RSRC2: variants seen among roughly 807,000 people sequenced by gnomAD.
The protein encoded by RSRC2 is arginine and serine rich coiled-coil 2, also known as arginine/serine-rich coiled-coil protein 2.
In RSRC2, 5 loss-of-function variants were observed where a neutral mutation model predicts 61.3. That is an observed-to-expected ratio of 0.08 (90% confidence interval 0.04 to 0.17). The LOEUF (loss-of-function observed/expected upper bound fraction) is 0.17. Among genes scored for constraint, RSRC2 ranks in the 10% least tolerant of loss-of-function variants. RSRC2 has a pLI of 1.00. For synonymous variants in RSRC2, 202 were observed against 166.5 expected (o/e 1.21, Z -1.64); for missense variants, 381 against 518.8 (o/e 0.73, Z 2.58).
rs1022741093 is a variant in RSRC2, at chr12:122,526,406, T to C, written c.6+442A>G. ...AAAAAAAAATAGCTACAAGTCGCTC[T>C]CTTCTCCCACACTACCCTTTACAGA... On this transcript the variant is annotated intron_variant, in intron 1 of 9. Coordinates refer to ENST00000331738, the MANE Select transcript of RSRC2 (RefSeq NM_023012.6). 3 of 174,232 alleles carry C rather than the reference T, an allele frequency of 1.7e-5. No homozygotes were observed. The East Asian group carries it at 5.0e-4, about 29-fold the overall frequency. 10.8% of individuals were successfully genotyped at this position (174,232 alleles called of 1,614,324 possible).
chr12:122,510,507 C>T (rs1304283411), intron 7 of RSRC2, among the ~76,000 whole-genome samples: 3 of 151,750 alleles, frequency 2.0e-5, no homozygotes, highest in East Asian at 1.9e-4. Flanking sequence ...CCAGCCTGGG[C>T]GATGGAGCGA....
At chr12:122,512,860 C>T (rs1305255794) in intron 6 of RSRC2, among the ~76,000 whole-genome samples, 1 of 151,872 alleles carries the variant, frequency 6.6e-6, no homozygotes, top group Non-Finnish European at 1.5e-5. Context: ...TGACTTTGTC[C>T]TTGAGAATAA....
chr12:122,519,686 T>A (rs1229220785), intron 3 of RSRC2: 2 of 152,486 alleles, frequency 1.3e-5, no homozygotes, highest in Non-Finnish European at 2.9e-5. Flanking sequence ...ATGGCAACTG[T>A]ATGTTTCAAT....
intron 1 of RSRC2, among the ~76,000 whole-genome samples, chr12:122,525,868 C>T: frequency 1.3e-4 from 1 of 7,722 alleles, no homozygotes. Flanking sequence ...GTCACCCAGG[C>T]TGGAGTGCAG....
At chr12:122,521,852 T>C (rs1959240098) in intron 2 of RSRC2, among the ~76,000 whole-genome samples, 1 of 152,202 alleles carries the variant, frequency 6.6e-6, no homozygotes, top group Admixed American at 6.5e-5. Context: ...AATACAAAAA[T>C]AAGCTAGGCG....
At position 122,505,508 on chromosome 12, in the gene RSRC2, T is replaced by C; in HGVS notation, c.*19A>G. ...AACAAGAAGTCTATAAGTCCCAAAC[T>C]TTACAAGTGTGATCATTTTCAAACT... On this transcript the variant is annotated 3_prime_UTR_variant, in exon 10 of 10. Transcript: ENST00000331738. 2 of 1,609,070 alleles carry C rather than the reference T, an allele frequency of 1.2e-6. No individual in the cohort carries two copies. The highest frequency in any genetic ancestry group is 1.7e-6 in the Non-Finnish European group (2 of 1,176,640).
intron 1 of RSRC2, 153 bp from the exon 2 acceptor site, chr12:122,522,452 A>G (rs972123810): frequency 3.1e-6 from 2 of 649,094 alleles, no homozygotes; most frequent in Non-Finnish European, 4.9e-6. Context: ...TTTGTACACT[A>G]ATAAGGCTGA....
At chr12:122,521,201 C>A in intron 3 of RSRC2, 184 bp downstream of exon 3, 1 of 476,810 alleles carries the variant, frequency 2.1e-6, no homozygotes, top group South Asian at 4.4e-5. Flanking sequence ...TTTGAAGGTA[C>A]TTTTCACATA....
intron 1 of RSRC2, chr12:122,522,783 CAG>C (rs771244956): frequency 1.3e-5 from 2 of 152,164 alleles, no homozygotes; most frequent in Non-Finnish European, 2.9e-5. Flanking sequence ...AAATAATAAA[CAG>C]AAAATTAACT....
intron 4 of RSRC2, among the ~76,000 whole-genome samples, chr12:122,518,441 A>C (rs1002732695): frequency 6.6e-6 from 1 of 152,032 alleles, no homozygotes; most frequent in African/African-American, 2.4e-5. Context: ...AAAAATACAA[A>C]AACTAGCCAG....
chr12:122,523,621 G>T (rs1959585674), intron 1 of RSRC2: 3 of 152,212 alleles, frequency 2.0e-5, no homozygotes, highest in Admixed American at 1.3e-4. Flanking sequence ...AATAAATAGG[G>T]AATCGATAGT....
intron 2 of RSRC2, 25 bp downstream of exon 2, chr12:122,522,118 T>C: frequency 6.3e-7 from 1 of 1,598,370 alleles, no homozygotes; most frequent in Non-Finnish European, 8.5e-7. Flanking sequence ...TGCTGAGAGT[T>C]GTAACCACCT....
At position 122,506,625 on chromosome 12, in the gene RSRC2, TCTCTCC is replaced by T. The variant is rs576798303; in HGVS notation, c.1125+203_1125+208del. 2,851 of 465,446 alleles carry T rather than the reference TCTCTCC, an allele frequency of 6.1e-3. 20 individuals are homozygous for T. The highest frequency in any genetic ancestry group is 0.018 in the South Asian group (528 of 28,804). The allele number at this position is 465,446 out of a possible 1,614,324, so 28.8% of individuals were successfully genotyped here. ...CAGAGCAAAACCCCGTCTCTCTCTC[TCTCTCC>T]AAGTGTGTGTGTAGGGAGGACAGTG... On this transcript the variant is annotated intron_variant, in intron 9 of 9. Transcript: ENST00000331738.
chr12:122,524,099 G>A (rs1210792358), intron 1 of RSRC2, among the ~76,000 whole-genome samples: 1 of 152,152 alleles, frequency 6.6e-6, no homozygotes, highest in East Asian at 1.9e-4. Flanking sequence ...TTAGAATAGA[G>A]TTCAACTTTC....
At chr12:122,514,059 A>G (rs2137474946) in intron 6 of RSRC2, 1 of 151,752 alleles carries the variant, frequency 6.6e-6, no homozygotes, top group East Asian at 1.9e-4. Context: ...GTAACGAGAG[A>G]AAAAAAAATC....
At chr12:122,522,561 ATGGGG>A (rs1053520406) in intron 1 of RSRC2, 5 of 234,486 alleles carry the variant, frequency 2.1e-5, no homozygotes, top group South Asian at 9.1e-5. Flanking sequence ...CTTTTAAAAC[ATGGGG>A]TGGGGTGGGG....
rs1958136446 is a variant in RSRC2 at position 122,506,685 on chromosome 12, G to C, written c.1125+149C>G. 4.7e-6 allele frequency: 3 copies of C among 637,544 alleles called. No individual in the cohort carries two copies. In the East Asian group the frequency reaches 7.7e-5, roughly 16 times the overall value. 39.5% of individuals were successfully genotyped at this position (637,544 alleles called of 1,614,324 possible). ...AGGGGAGATGGAAATGTTTCAGAAT[G>C]GGATTGCTTGTTATTTCACAAAAGG... On this transcript the variant is annotated intron_variant, in intron 9 of 9. Transcript: ENST00000331738.
intron 3 of RSRC2, 77 bp from the exon 4 acceptor site, chr12:122,519,106 ATGT>A: frequency 1.7e-6 from 2 of 1,156,370 alleles, no homozygotes; most frequent in South Asian, 1.3e-5. Flanking sequence ...GTAGACAAAA[ATGT>A]TGTGATGCAA....
chr12:122,507,147 G>C, intron 8 of RSRC2: 2 of 533,726 alleles, frequency 3.7e-6, no homozygotes, highest in South Asian at 3.6e-5. Context: ...GAAGGCCGAG[G>C]TGGGCAAATC....
Sources: gnomAD v4.1 joint callset for allele counts (sites outside exome capture counted in the v4.1 genomes callset) on GRCh38, gnomAD v4.1.1 for gene constraint, MANE v1.5 for transcripts, NCBI Gene and HGNC (gene_info 2026-07-23, HGNC 2026-07-21) for gene names.